Variants in SEMA5A observed in about 807,000 individuals in gnomAD.
SEMA5A encodes the protein semaphorin-5A.
SEMA5A carries 55 observed loss-of-function variants against 135.5 expected under a neutral mutation model. That is an observed-to-expected ratio of 0.41 (90% CI 0.33 to 0.51). The LOEUF is 0.51. Ranked by LOEUF, SEMA5A falls within the 20% of genes least tolerant of loss-of-function variation. The probability of loss-of-function intolerance (pLI) is 0.37; values close to 1 mark genes in which losing one functional copy is unlikely to be tolerated. For missense variants in SEMA5A, 1,290 were observed against 1,419.9 expected (o/e 0.91, Z 1.47); for synonymous variants, 580 against 546.5 (o/e 1.06, Z -0.85).
chr5:9,314,627 GAA>G (rs1752311484), intron 5 of SEMA5A, among the ~76,000 whole-genome samples: 1 of 151,612 alleles, frequency 6.6e-6, no homozygotes, highest in African/African-American at 2.4e-5. Context: ...TTATACTTGG[GAA>G]CTGTCATGTA....
intron 7 of SEMA5A, among the ~76,000 whole-genome samples, chr5:9,226,656 A>C (rs566899043): frequency 6.6e-6 from 1 of 152,226 alleles, no homozygotes; most frequent in Non-Finnish European, 1.5e-5. Flanking sequence ...GTTTAATTAT[A>C]CAAGTTATAA....
intron 5 of SEMA5A, among the ~76,000 whole-genome samples, chr5:9,257,655 T>C (rs1005568098): frequency 1.3e-5 from 2 of 152,044 alleles, no homozygotes; most frequent in African/African-American, 4.8e-5. Context: ...ATGTTTAAAA[T>C]AGATGACGTC....
At chr5:9,376,971 A>G (rs1458121074) in intron 3 of SEMA5A, among the ~76,000 whole-genome samples, 2 of 152,294 alleles carry the variant, frequency 1.3e-5, no homozygotes, top group Admixed American at 6.5e-5. Flanking sequence ...AAAATATTAC[A>G]TAATGTTTAC....
intron 1 of SEMA5A, among the ~76,000 whole-genome samples, chr5:9,463,190 A>G (rs1759121947): frequency 1.3e-5 from 2 of 152,198 alleles, no homozygotes; most frequent in South Asian, 4.1e-4. Flanking sequence ...TAGTCTGAAG[A>G]AAAACAGTGA....
At chr5:9,185,919 G>A (rs1216290302) in intron 11 of SEMA5A, among the ~76,000 whole-genome samples, 1 of 152,192 alleles carries the variant, frequency 6.6e-6, no homozygotes, top group Admixed American at 6.5e-5. Flanking sequence ...GTGCATGTGG[G>A]ACTGCGAGGG....
intron 2 of SEMA5A, among the ~76,000 whole-genome samples, chr5:9,424,583 G>C (rs374824230): frequency 3.9e-5 from 6 of 152,030 alleles, no homozygotes; most frequent in African/African-American, 1.5e-4. Context: ...CTCTAGACCC[G>C]ATGAGAAATG....
chr5:9,534,917 C>A (rs1737672443), intron 1 of SEMA5A, among the ~76,000 whole-genome samples: 1 of 152,226 alleles, frequency 6.6e-6, no homozygotes, highest in East Asian at 1.9e-4. Context: ...GGACAGGGCA[C>A]ATAACCACAG....
Position 9,042,731 on chromosome 5 carries a change from G to C in SEMA5A, c.*166C>G. The C allele has an allele frequency of 1.4e-6, 1 of 703,128 alleles. No homozygotes were observed. Among genetic ancestry groups the C allele is most frequent in the South Asian group, 1.9e-5 (1 of 52,604 alleles). The allele number at this position is 703,128 out of a possible 1,614,324, so 43.6% of individuals were successfully genotyped here. ...ACGATGTCTTATTTCAATTTTTGTT[G>C]CTTTTAAAGACGTGTATTTTTGGCA... On this transcript the variant is annotated 3_prime_UTR_variant, in exon 23 of 23. Coordinates refer to ENST00000382496, the MANE Select transcript of SEMA5A (RefSeq NM_003966.3).
At chr5:9,090,442 C>T (rs1044878848) in intron 16 of SEMA5A, among the ~76,000 whole-genome samples, 11 of 152,222 alleles carry the variant, frequency 7.2e-5, no homozygotes, top group African/African-American at 2.2e-4. Flanking sequence ...TGAAAAATGC[C>T]GTGAAAGTTT....
chr5:9,519,501 G>A lies in SEMA5A; in HGVS notation c.-175+26083C>T, dbSNP rs181180233. Among the ~76,000 whole-genome samples the A allele has an allele frequency of 4.2e-4, 64 of 152,260 alleles. 1 individual carries two copies. The highest frequency in any genetic ancestry group is 3.9e-3 in the Admixed American group (59 of 15,288). ...TAGCTGCTGTGTCCAATCCAGCTTC[G>A]TTTTAATTTGGTGCTAATTCTCTAA... On this transcript the variant is annotated intron_variant, in intron 1 of 22. Transcript: ENST00000382496.
At chr5:9,414,635 C>T (rs1757222698) in intron 2 of SEMA5A, among the ~76,000 whole-genome samples, 1 of 152,202 alleles carries the variant, frequency 6.6e-6, no homozygotes, top group Non-Finnish European at 1.5e-5. Context: ...TCACCCAAAA[C>T]ATTAGCAGAA....
At chr5:9,218,972 G>A (rs1746782271) in intron 8 of SEMA5A, among the ~76,000 whole-genome samples, 1 of 152,200 alleles carries the variant, frequency 6.6e-6, no homozygotes, top group Non-Finnish European at 1.5e-5. Flanking sequence ...TACTGACTAT[G>A]TGCCAGACAC....
chr5:9,132,692 AT>A (rs11311658), intron 13 of SEMA5A, among the ~76,000 whole-genome samples: 99,376 of 152,046 alleles, frequency 0.65, 35,506 homozygotes, highest in Non-Finnish European at 0.83. Context: ...GTGCTATGTC[AT>A]TGATCCAAGG....
intron 11 of SEMA5A, among the ~76,000 whole-genome samples, chr5:9,188,547 C>T (rs994553952): frequency 1.3e-5 from 2 of 152,094 alleles, no homozygotes; most frequent in Non-Finnish European, 2.9e-5. Context: ...ATAGCCTCAA[C>T]CCCCATCAAA....
chr5:9,335,223 G>A (rs1410949586), intron 4 of SEMA5A, among the ~76,000 whole-genome samples: 1 of 152,050 alleles, frequency 6.6e-6, no homozygotes, highest in East Asian at 1.9e-4. Flanking sequence ...ATTGGACAGA[G>A]ACCTCTAGGG....
chr5:9,255,453 T>G (rs1749016593), intron 5 of SEMA5A, among the ~76,000 whole-genome samples: 1 of 152,220 alleles, frequency 6.6e-6, no homozygotes, highest in Non-Finnish European at 1.5e-5. Flanking sequence ...ACATACGGCT[T>G]GATCACCATG....
intron 5 of SEMA5A, among the ~76,000 whole-genome samples, chr5:9,274,608 G>T (rs920145470): frequency 1.3e-5 from 2 of 152,144 alleles, no homozygotes; most frequent in African/African-American, 4.8e-5. Flanking sequence ...AAATGCAAAA[G>T]AATGGAAATC....
intron 5 of SEMA5A, 54 bp downstream of exon 5, chr5:9,318,317 CA>C: frequency 1.3e-6 from 2 of 1,528,068 alleles, no homozygotes; most frequent in Non-Finnish European, 9.0e-7. Flanking sequence ...TCCCCTCAAA[CA>C]GTGAGTTAAT....
chr5:9,199,260 T>C (rs548986840), intron 9 of SEMA5A, among the ~76,000 whole-genome samples: 2 of 152,282 alleles, frequency 1.3e-5, no homozygotes, highest in East Asian at 3.9e-4. Context: ...GAGCATCCTT[T>C]AATAGTGTTG....
Sources: allele counts gnomAD v4.1 joint callset (sites outside exome capture counted in the v4.1 genomes callset), GRCh38; gene constraint gnomAD v4.1.1; transcripts MANE v1.5; gene names NCBI Gene and HGNC (gene_info 2026-07-23, HGNC 2026-07-21).